The following CNOT4 variants were observed in gnomAD, a reference collection of about 807,000 sequenced individuals.
CNOT4 encodes CCR4-associated factor 4.
CNOT4 carries 8 observed loss-of-function variants against 73.8 expected under a neutral mutation model. The ratio of observed to expected loss-of-function variants is 0.11; its 90% confidence interval spans 0.06 to 0.20. The LOEUF (loss-of-function observed/expected upper bound fraction) is 0.20, where lower values mean the gene tolerates loss of function less well. CNOT4 is among the 10% of genes least tolerant of loss of function. CNOT4 has a pLI of 1.00. For missense variants in CNOT4, 564 were observed against 883.4 expected (o/e 0.64, Z 4.58); for synonymous variants, 293 against 321.1 (o/e 0.91, Z 0.94).
intron 1 of CNOT4, among the ~76,000 whole-genome samples, chr7:135,473,980 T>C (rs953288168): frequency 4.1e-5 from 6 of 146,514 alleles, no homozygotes; most frequent in African/African-American, 1.5e-4. Context: ...TGTCTTTTTG[T>C]GGTTTTTTTT....
chr7:135,413,770 T>G (rs1797703324), intron 5 of CNOT4, among the ~76,000 whole-genome samples, 157 bp from the exon 6 acceptor site: 1 of 152,042 alleles, frequency 6.6e-6, no homozygotes, highest in African/African-American at 2.4e-5. Flanking sequence ...TAAACTCTTA[T>G]TAGCAGGATT....
At chr7:135,471,833 C>T (rs973519774) in intron 1 of CNOT4, among the ~76,000 whole-genome samples, 3 of 152,232 alleles carry the variant, frequency 2.0e-5, no homozygotes, top group East Asian at 3.9e-4. Flanking sequence ...CTATGCCTAG[C>T]GGAGAGTTGG....
intron 10 of CNOT4, chr7:135,388,692 C>T (rs1398669939): frequency 6.9e-7 from 1 of 1,448,236 alleles, no homozygotes; most frequent in Non-Finnish European, 9.2e-7. Flanking sequence ...ATTGGCTCTT[C>T]TGGGTGTATA....
intron 10 of CNOT4, among the ~76,000 whole-genome samples, chr7:135,392,825 G>A (rs1413994854): frequency 6.6e-6 from 1 of 152,130 alleles, no homozygotes; most frequent in Non-Finnish European, 1.5e-5. Flanking sequence ...GTCCCAAAGG[G>A]AACAGGGATA....
At position 135,434,186 on chromosome 7, in the gene CNOT4, C is replaced by G. The variant is rs139237631; in HGVS notation, c.174+3972G>C. Among the ~76,000 whole-genome samples the G allele has an allele frequency of 3.5e-3, 530 of 152,346 alleles. 4 individuals carry two copies. Among genetic ancestry groups the G allele is most frequent in the African/African-American group, 0.012 (501 of 41,570 alleles). On this transcript the variant is annotated intron_variant, in intron 2 of 11. Coordinates refer to ENST00000541284, the MANE Select transcript of CNOT4 (RefSeq NM_001190850.2). Reference sequence around the variant, plus strand: ...GTAAATGGCAGCTTCATGACCCTCTCTAGGCCTCTAGCAACATTGTGGTTT... The same window carrying G: ...GTAAATGGCAGCTTCATGACCCTCTGTAGGCCTCTAGCAACATTGTGGTTT...
chr7:135,430,383 A>T (rs1798740848), intron 2 of CNOT4, among the ~76,000 whole-genome samples: 1 of 152,208 alleles, frequency 6.6e-6, no homozygotes, highest in East Asian at 1.9e-4. Flanking sequence ...CGTGCCTATA[A>T]TCCCAGCACT....
chr7:135,374,940 G>A (rs1365090710), intron 10 of CNOT4, among the ~76,000 whole-genome samples: 2 of 152,094 alleles, frequency 1.3e-5, no homozygotes, highest in East Asian at 1.9e-4. Flanking sequence ...GTAATGGAAC[G>A]CCTAAAAAAG....
At chr7:135,503,378 G>C (rs2129488249) in intron 1 of CNOT4, among the ~76,000 whole-genome samples, 1 of 151,798 alleles carries the variant, frequency 6.6e-6, no homozygotes, top group South Asian at 2.1e-4. Context: ...TGGGAGAATT[G>C]CTTGAACCCA....
Position 135,488,549 on chromosome 7 carries a change from G to A in CNOT4, c.-93+21340C>T, listed in dbSNP as rs182482143. Among the ~76,000 whole-genome samples, 39 of 152,262 alleles carry A rather than the reference G, an allele frequency of 2.6e-4. No individual in the cohort carries two copies. The East Asian group carries it at 7.3e-3, about 29-fold the overall frequency. On this transcript the variant is annotated intron_variant, in intron 1 of 11. Transcript: ENST00000541284. ...CTTTGAAGAAAAAAAGCTAATAGTG[G>A]CTGTTAGAGTCTAAGTTTATAAAAA...
chr7:135,384,875 A>G, intron 10 of CNOT4: 1 of 635,472 alleles, frequency 1.6e-6, no homozygotes. Context: ...TGCTGCATAC[A>G]TATTCTTGAC....
intron 7 of CNOT4, among the ~76,000 whole-genome samples, chr7:135,403,310 T>G (rs1797099496): frequency 6.6e-6 from 1 of 152,228 alleles, no homozygotes. Flanking sequence ...TTTAAACACT[T>G]GCTAACACAA....
intron 1 of CNOT4, among the ~76,000 whole-genome samples, chr7:135,501,048 A>G (rs1484829456): frequency 6.9e-6 from 1 of 144,826 alleles, no homozygotes; most frequent in Non-Finnish European, 1.5e-5. Flanking sequence ...CAGTGGTGCC[A>G]TCTTGGCTCA....
intron 1 of CNOT4, among the ~76,000 whole-genome samples, chr7:135,494,179 A>G (rs1803300584): frequency 6.6e-6 from 1 of 151,946 alleles, no homozygotes; most frequent in African/African-American, 2.4e-5. Flanking sequence ...CTAAAAAAGT[A>G]CCACCAGCGG....
chr7:135,473,620 G>T (rs956752315), intron 1 of CNOT4, among the ~76,000 whole-genome samples: 1 of 152,084 alleles, frequency 6.6e-6, no homozygotes, highest in Admixed American at 6.6e-5. Flanking sequence ...GACGGTGCAC[G>T]CCTGTAGTCC....
intron 6 of CNOT4, among the ~76,000 whole-genome samples, chr7:135,412,958 T>A (rs183410292): frequency 6.6e-6 from 1 of 152,144 alleles, no homozygotes; most frequent in East Asian, 1.9e-4. Context: ...CAATTCACCC[T>A]TTACAGGATA....
chr7:135,473,835 T>C (rs1288711032), intron 1 of CNOT4, among the ~76,000 whole-genome samples: 9 of 152,114 alleles, frequency 5.9e-5, no homozygotes, highest in African/African-American at 2.2e-4. Context: ...AGGATAAAAG[T>C]AGATTCTAGA....
chr7:135,388,100 T>C (rs1563018770), intron 10 of CNOT4: 1 of 985,092 alleles, frequency 1.0e-6, no homozygotes, highest in Non-Finnish European at 1.2e-6. Context: ...TTTCCTGGTA[T>C]ACTAGGCAGT....
chr7:135,487,088 T>G (rs570986561), intron 1 of CNOT4, among the ~76,000 whole-genome samples: 2 of 152,272 alleles, frequency 1.3e-5, no homozygotes, highest in South Asian at 4.1e-4. Flanking sequence ...TCTCTACTTT[T>G]TCTACCCTAG....
At chr7:135,481,747 T>A (rs533653716) in intron 1 of CNOT4, among the ~76,000 whole-genome samples, 1 of 152,270 alleles carries the variant, frequency 6.6e-6, no homozygotes, top group South Asian at 2.1e-4. Context: ...CACAATGGAT[T>A]TGGCATTCAA....
Sources: allele counts gnomAD v4.1 joint callset (sites outside exome capture counted in the v4.1 genomes callset), GRCh38; gene constraint gnomAD v4.1.1; transcripts MANE v1.5; gene names NCBI Gene and HGNC (gene_info 2026-07-23, HGNC 2026-07-21).